TFPI: variants seen among roughly 807,000 people sequenced by gnomAD.
TFPI encodes tissue factor pathway inhibitor.
In TFPI, 15 loss-of-function variants were observed where a neutral mutation model predicts 34.6. That is an observed-to-expected ratio of 0.43 (90% CI 0.29 to 0.67). The LOEUF is 0.67. Ranked by LOEUF, TFPI falls within the 30% of genes least tolerant of loss-of-function variation. The probability of loss-of-function intolerance (pLI) is 0.15; values close to 1 mark genes in which losing one functional copy is unlikely to be tolerated. For missense variants in TFPI, 301 were observed against 364.0 expected (o/e 0.83, Z 1.41); for synonymous variants, 105 against 120.1 (o/e 0.87, Z 0.82).
rs1231415399 is a variant in TFPI, at chr2:187,478,945, G to C, written c.628+5179C>G. ...TCAAAAAAATCTTGTAATCTAGACAGTGAGGCAGAGCAAACACAATATCTA... is the reference window on the plus strand; with the variant it reads ...TCAAAAAAATCTTGTAATCTAGACACTGAGGCAGAGCAAACACAATATCTA... On this transcript the variant is annotated intron_variant, in intron 6 of 7. Coordinates refer to ENST00000233156, the MANE Select transcript of TFPI (RefSeq NM_006287.6). 1.5e-5 allele frequency: 9 copies of C among 606,928 alleles called. No homozygotes were observed. In the South Asian group the frequency reaches 2.0e-4, roughly 14 times the overall value. 37.6% of individuals were successfully genotyped at this position (606,928 alleles called of 1,614,324 possible).
chr2:187,498,421 G>A (rs897509997), intron 2 of TFPI, among the ~76,000 whole-genome samples: 2 of 151,466 alleles, frequency 1.3e-5, no homozygotes, highest in African/African-American at 2.4e-5. Context: ...TCTTATTTTA[G>A]TAATGTTAAA....
chr2:187,485,974 G>T (rs1181434889), intron 4 of TFPI, among the ~76,000 whole-genome samples: 2 of 151,560 alleles, frequency 1.3e-5, no homozygotes, highest in African/African-American at 2.4e-5. Context: ...CAATAAAAAA[G>T]AACATGTATT....
At chr2:187,523,595 G>T (rs1687526611) in intron 1 of TFPI, among the ~76,000 whole-genome samples, 2 of 151,832 alleles carry the variant, frequency 1.3e-5, no homozygotes, top group African/African-American at 2.4e-5. Flanking sequence ...TTTTTAAATT[G>T]TATAAATTAA....
intron 3 of TFPI, among the ~76,000 whole-genome samples, chr2:187,490,794 C>T (rs940436934): frequency 2.6e-5 from 4 of 151,438 alleles, no homozygotes; most frequent in African/African-American, 4.8e-5. Context: ...TTCTTTGTTT[C>T]TGTTTCCCTC....
At chr2:187,482,161 A>G (rs192422421) in intron 6 of TFPI, among the ~76,000 whole-genome samples, 49 of 152,028 alleles carry the variant, frequency 3.2e-4, no homozygotes, top group African/African-American at 1.0e-3. Flanking sequence ...ATGATAAATG[A>G]CTGCAGATCT....
intron 2 of TFPI, 124 bp from the exon 3 acceptor site, chr2:187,497,202 T>C: frequency 1.1e-6 from 1 of 884,540 alleles, no homozygotes. Context: ...TAAGAAACTA[T>C]AAAAAGTTAT....
chr2:187,521,555 A>C (rs1274484773), intron 1 of TFPI, among the ~76,000 whole-genome samples: 1 of 151,988 alleles, frequency 6.6e-6, no homozygotes, highest in East Asian at 1.9e-4. Context: ...ATCCCCGCCA[A>C]CAATTTGCCA....
chr2:187,492,893 G>C (rs965528813), intron 3 of TFPI, among the ~76,000 whole-genome samples: 4 of 152,186 alleles, frequency 2.6e-5, no homozygotes, highest in Non-Finnish European at 4.4e-5. Flanking sequence ...ATGCTGAAAT[G>C]AGTTAAGAAT....
intron 1 of TFPI, among the ~76,000 whole-genome samples, chr2:187,536,513 G>A (rs886817627): frequency 5.9e-5 from 9 of 152,072 alleles, no homozygotes; most frequent in African/African-American, 2.2e-4. Context: ...ATGCAGAAGA[G>A]GCCTTTGATA....
intron 1 of TFPI, among the ~76,000 whole-genome samples, chr2:187,538,364 A>G (rs1275561237): frequency 6.6e-6 from 1 of 152,226 alleles, no homozygotes. Context: ...GACTGGATAA[A>G]GAAAATGTGG....
chr2:187,479,806 A>C (rs559475648), intron 6 of TFPI, among the ~76,000 whole-genome samples: 7 of 151,680 alleles, frequency 4.6e-5, no homozygotes, highest in African/African-American at 1.7e-4. Flanking sequence ...GAATGAAATA[A>C]ATAGGAATGA....
chr2:187,538,350 G>T (rs2106288769), intron 1 of TFPI, among the ~76,000 whole-genome samples: 1 of 152,298 alleles, frequency 6.6e-6, no homozygotes, highest in African/African-American at 2.4e-5. Context: ...GCCTGACAAT[G>T]ATAGACTGGA....
chr2:187,489,779 C>G (rs1452788706), intron 3 of TFPI, among the ~76,000 whole-genome samples: 1 of 151,396 alleles, frequency 6.6e-6, no homozygotes, highest in African/African-American at 2.4e-5. Context: ...GTTTAGCACA[C>G]TAGAATTTTA....
intron 6 of TFPI, among the ~76,000 whole-genome samples, chr2:187,480,104 A>G (rs1361623170): frequency 6.6e-6 from 1 of 152,072 alleles, no homozygotes; most frequent in African/African-American, 2.4e-5. Context: ...CCATATATGC[A>G]TTAATTTAAT....
In TFPI at chr2:187,475,040, T is replaced by G. The variant is rs186998223; in HGVS notation, c.629-7108A>C. ...CGTAACCCTTGTGCAGGTCTCTGTC[T>G]TAGCACGTAACACAGGCATTGAAGT... On this transcript the variant is annotated intron_variant, in intron 6 of 7. Coordinates refer to ENST00000233156, the MANE Select transcript of TFPI (RefSeq NM_006287.6). Among the ~76,000 whole-genome samples the G allele has an allele frequency of 3.4e-3, 513 of 152,294 alleles. 1 individual carries two copies. Among genetic ancestry groups the G allele is most frequent in the African/African-American group, 0.012 (490 of 41,572 alleles).
chr2:187,478,731 C>T (rs1397899801), intron 6 of TFPI: 1 of 1,613,616 alleles, frequency 6.2e-7, no homozygotes, highest in Non-Finnish European at 8.5e-7. Flanking sequence ...TGCATGAATG[C>T]AGAAGGCGTT....
intron 1 of TFPI, chr2:187,514,752 T>C (rs373605671): frequency 1.2e-3 from 188 of 152,280 alleles, no homozygotes; most frequent in Middle Eastern, 6.8e-3. Flanking sequence ...AAATAAGACA[T>C]TGTAAAGTGA....
In TFPI at chr2:187,522,743, A is replaced by AG. The variant is rs1278113136; in HGVS notation, c.-2-18974_-2-18973insC. ...CTAAAAATACAAAAAAAAAAAAAAAAACCCAGGCACGGTGGTGGGCGCCTG... is the reference window on the plus strand; with the variant it reads ...CTAAAAATACAAAAAAAAAAAAAAAAGACCCAGGCACGGTGGTGGGCGCCTG... On this transcript the variant is annotated intron_variant, in intron 1 of 7. Coordinates refer to ENST00000233156, the MANE Select transcript of TFPI (RefSeq NM_006287.6). Among the ~76,000 whole-genome samples the AG allele has an allele frequency of 5.2e-3, 768 of 148,682 alleles. 14 individuals carry two copies. The highest frequency in any genetic ancestry group is 0.018 in the African/African-American group (730 of 40,536).
At chr2:187,469,579 C>G (rs755253393) in intron 6 of TFPI, among the ~76,000 whole-genome samples, 20 of 152,094 alleles carry the variant, frequency 1.3e-4, no homozygotes, top group Non-Finnish European at 2.6e-4. Context: ...TACCCATCTT[C>G]TCACAGTTAC....
Sources: allele counts gnomAD v4.1 joint callset (sites outside exome capture counted in the v4.1 genomes callset), GRCh38; gene constraint gnomAD v4.1.1; transcripts MANE v1.5; gene names NCBI Gene and HGNC (gene_info 2026-07-23, HGNC 2026-07-21).